Variants in SNAP91 observed in about 807,000 individuals in gnomAD.
SNAP91 encodes the protein synaptosome associated protein 91.
Under a neutral mutation model 100.3 loss-of-function variants are expected in SNAP91, and 27 were observed. That is an observed-to-expected ratio of 0.27 (90% confidence interval 0.20 to 0.37). The LOEUF is 0.37. SNAP91 is among the 10% of genes least tolerant of loss of function. The pLI is 1.00. For missense variants in SNAP91, 986 were observed against 1,123.7 expected (o/e 0.88, Z 1.75); for synonymous variants, 404 against 398.6 (o/e 1.01, Z -0.16).
chr6:83,650,021 T>A (rs78668779), intron 7 of SNAP91, among the ~76,000 whole-genome samples: 1 of 144,704 alleles, frequency 6.9e-6, no homozygotes, highest in African/African-American at 2.6e-5. Context: ...TTGTTGAAGA[T>A]TTTTTTTTTT....
At chr6:83,558,390 A>C (rs892627186) in intron 28 of SNAP91, among the ~76,000 whole-genome samples, 5 of 152,234 alleles carry the variant, frequency 3.3e-5, no homozygotes, top group South Asian at 2.1e-4. Flanking sequence ...GACTGTCCCC[A>C]AAAACAACAC....
intron 2 of SNAP91, among the ~76,000 whole-genome samples, chr6:83,698,553 A>G (rs2099252010): frequency 6.6e-6 from 1 of 152,144 alleles, no homozygotes; most frequent in Non-Finnish European, 1.5e-5. Context: ...CCTTAGTAAA[A>G]TTAAGAGAAA....
rs1462540745 is a variant in SNAP91 at position 83,593,732 on chromosome 6, G to A, written c.1442C>T (p.Ala481Val). The A allele has an allele frequency of 1.3e-6, 2 of 1,566,430 alleles. No homozygotes were observed. The highest frequency in any genetic ancestry group is 2.3e-5 in the East Asian group (1 of 44,304). The change falls in exon 18 of 30, where the codon GCC (alanine) becomes GTC (valine). Residue 481 changes from alanine to valine, a missense_variant. Physicochemically the swap from Ala to Val is moderately conservative, Grantham distance 64. Transcript: ENST00000369694. Reference protein sequence around the residue: ...LDACSGNDPFAPSEGSAEAAP... With the variant: ...LDACSGNDPFVPSEGSAEAAP... The stretch of plus-strand genomic sequence containing the variant: ...AGCCTCTGCACTACCTTCAGACGGG[G>A]CAAAGGGGTCTTTTGGAAAGGAAAG...
chr6:83,634,749 ATCTT>A (rs1339971367), intron 8 of SNAP91, among the ~76,000 whole-genome samples: 1 of 151,948 alleles, frequency 6.6e-6, no homozygotes, highest in Admixed American at 6.5e-5. Flanking sequence ...TTAATTTGAG[ATCTT>A]TCTAACTTCT....
At chr6:83,623,278 C>T in intron 9 of SNAP91, 23 bp downstream of exon 9, 1 of 1,581,874 alleles carries the variant, frequency 6.3e-7, no homozygotes, top group African/African-American at 1.3e-5. Context: ...CATACTGAAT[C>T]TTCCACTGGG....
chr6:83,572,052 G>A (rs991296153), intron 26 of SNAP91, among the ~76,000 whole-genome samples: 1 of 152,144 alleles, frequency 6.6e-6, no homozygotes, highest in Non-Finnish European at 1.5e-5. Flanking sequence ...CCCCAGCCAT[G>A]AGTCCATTAA....
chr6:83,682,567 AT>A (rs913026499), intron 2 of SNAP91, among the ~76,000 whole-genome samples: 1 of 151,500 alleles, frequency 6.6e-6, no homozygotes, highest in African/African-American at 2.4e-5. Flanking sequence ...CTAAGTATAT[AT>A]TTTTTTAAAT....
chr6:83,576,363 T>C (rs1221764048), intron 24 of SNAP91, among the ~76,000 whole-genome samples: 1 of 152,214 alleles, frequency 6.6e-6, no homozygotes, highest in African/African-American at 2.4e-5. Context: ...AGTAAATTGT[T>C]CTCTATACTA....
At chr6:83,652,771 C>T (rs217312) in intron 7 of SNAP91, among the ~76,000 whole-genome samples, 120,565 of 152,038 alleles carry the variant, frequency 0.79, 48,143 homozygotes, top group South Asian at 0.87. Flanking sequence ...TAGCATTTTT[C>T]GCAAATGCAG....
At chr6:83,623,610 A>G in intron 8 of SNAP91, among the ~76,000 whole-genome samples, 1 of 152,132 alleles carries the variant, frequency 6.6e-6, no homozygotes, top group East Asian at 1.9e-4. Context: ...TGAAGCATAA[A>G]ATGTAATGGT....
chr6:83,694,049 G>A (rs1236768662), intron 2 of SNAP91, among the ~76,000 whole-genome samples: 1 of 152,214 alleles, frequency 6.6e-6, no homozygotes, highest in East Asian at 1.9e-4. Flanking sequence ...GGAGGAATAT[G>A]CAGTGAGTCC....
At chr6:83,636,217 C>T (rs1054640459) in intron 8 of SNAP91, among the ~76,000 whole-genome samples, 1 of 152,136 alleles carries the variant, frequency 6.6e-6, no homozygotes, top group African/African-American at 2.4e-5. Context: ...ATCTCTCCAG[C>T]AAGACTGGGT....
rs547367120 is a variant in SNAP91, at chr6:83,590,183, G to A, written c.2014+1028C>T. Among the ~76,000 whole-genome samples the A allele has an allele frequency of 1.4e-3, 213 of 152,232 alleles. 1 individual carries two copies. Among genetic ancestry groups the A allele is most frequent in the African/African-American group, 4.8e-3 (201 of 41,564 alleles). ...CTGTGAAACTACTGTTGTGCTTCCT[G>A]TTATGTACCTGTCTAAGTAAAATCA... is the stretch of plus-strand genomic sequence containing the variant. On this transcript the variant is annotated intron_variant, in intron 22 of 29. Transcript: ENST00000369694.
At chr6:83,587,705 G>A (rs1050505215) in intron 22 of SNAP91, among the ~76,000 whole-genome samples, 2 of 152,032 alleles carry the variant, frequency 1.3e-5, no homozygotes, top group South Asian at 2.1e-4. Context: ...TGTCAGCTAG[G>A]TTACAAATAT....
At chr6:83,697,794 G>A (rs1164501184) in intron 2 of SNAP91, among the ~76,000 whole-genome samples, 2 of 152,004 alleles carry the variant, frequency 1.3e-5, no homozygotes, top group Non-Finnish European at 2.9e-5. Context: ...AAGTTTATGA[G>A]AAAACAAAGG....
chr6:83,663,355 A>C (rs1024295770), intron 3 of SNAP91, among the ~76,000 whole-genome samples: 2 of 152,182 alleles, frequency 1.3e-5, no homozygotes, highest in Non-Finnish European at 2.9e-5. Context: ...AAAGGCCAAA[A>C]GCTAGCTCTC....
intron 14 of SNAP91, among the ~76,000 whole-genome samples, chr6:83,603,523 T>C (rs558594113): frequency 1.1e-4 from 17 of 152,220 alleles, no homozygotes; most frequent in African/African-American, 3.6e-4. Flanking sequence ...TGCACTCAGT[T>C]TTTTTAATCC....
intron 3 of SNAP91, 66 bp from the exon 4 acceptor site, chr6:83,662,488 T>A: frequency 3.4e-6 from 2 of 591,520 alleles, no homozygotes; most frequent in Non-Finnish European, 5.4e-6. Context: ...TTTCTGACAC[T>A]AAAGCGATTT....
intron 26 of SNAP91, among the ~76,000 whole-genome samples, chr6:83,565,859 G>T (rs1462695697): frequency 6.6e-6 from 1 of 152,110 alleles, no homozygotes; most frequent in African/African-American, 2.4e-5. Flanking sequence ...TGTATTGCTG[G>T]TGGCAATGTA....
Sources: allele counts gnomAD v4.1 joint callset (sites outside exome capture counted in the v4.1 genomes callset), GRCh38; gene constraint gnomAD v4.1.1; transcripts MANE v1.5; gene names NCBI Gene and HGNC (gene_info 2026-07-23, HGNC 2026-07-21).